The following CDC14B variants were observed in gnomAD, a reference collection of about 807,000 sequenced individuals.
CDC14B encodes the protein cell division cycle 14B, also known as dual specificity protein phosphatase CDC14B.
In CDC14B, 22 loss-of-function variants were observed where a neutral mutation model predicts 64.2. That is an observed-to-expected ratio of 0.34 (90% confidence interval 0.24 to 0.49). The LOEUF is 0.49. Among genes scored for constraint, CDC14B ranks in the 20% least tolerant of loss-of-function variants. The pLI, the probability that CDC14B is intolerant of heterozygous loss-of-function variation, is 0.99. For missense variants in CDC14B, 498 were observed against 629.9 expected (o/e 0.79, Z 2.24); for synonymous variants, 191 against 215.8 (o/e 0.89, Z 1.01).
chr9:96,551,111 C>CTTGTTTTTTTTTTTTTTTTTTTTTTTTT (rs1841746495), intron 5 of CDC14B, among the ~76,000 whole-genome samples: 1 of 93,296 alleles, frequency 1.1e-5, no homozygotes, highest in Non-Finnish European at 2.0e-5. Context: ...TTGGGGTTTG[C>CTTGTTTTTTTTTTTTTTTTTTTTTTTTT]TTTTTTTTTT....
intron 1 of CDC14B, among the ~76,000 whole-genome samples, chr9:96,617,677 T>G (rs1847715711): frequency 6.6e-6 from 1 of 152,150 alleles, no homozygotes; most frequent in South Asian, 2.1e-4. Flanking sequence ...TCTAGAAGGC[T>G]TCACAAGAAA....
intron 9 of CDC14B, among the ~76,000 whole-genome samples, chr9:96,526,995 T>C (rs1050260370): frequency 2.6e-5 from 4 of 152,240 alleles, no homozygotes; most frequent in African/African-American, 4.8e-5. Flanking sequence ...TGTTTAAAAA[T>C]TGGAGTAAAA....
chr9:96,511,827 T>G (rs112109818), intron 12 of CDC14B, among the ~76,000 whole-genome samples: 28 of 152,308 alleles, frequency 1.8e-4, no homozygotes, highest in African/African-American at 6.5e-4. Context: ...TTGCGGTGGC[T>G]TATGCCTGTA....
At chr9:96,545,579 A>C (rs887943445) in intron 5 of CDC14B, among the ~76,000 whole-genome samples, 1 of 152,178 alleles carries the variant, frequency 6.6e-6, no homozygotes, top group South Asian at 2.1e-4. Context: ...TGGCCTTCCA[A>C]AGTGCTGGGA....
intron 10 of CDC14B, 25 bp downstream of exon 10, chr9:96,523,562 A>C (rs908313711): frequency 3.7e-6 from 6 of 1,613,618 alleles, no homozygotes; most frequent in Admixed American, 1.7e-5. Context: ...TTCCCTGGGA[A>C]CTACAGACGT....
rs202193145 is a variant in CDC14B, at chr9:96,551,111, C to CTT, written c.497+683_497+684dup. Among the ~76,000 whole-genome samples, 110 of 93,292 alleles carry CTT rather than the reference C, an allele frequency of 1.2e-3. 9 individuals are homozygous for CTT. The highest frequency in any genetic ancestry group is 2.7e-3 in the African/African-American group (56 of 20,380). 61.2% of individuals were successfully genotyped at this position (93,292 alleles called of 152,430 possible). A position where few individuals can be genotyped will look rare whatever the true frequency, so the allele number is the denominator to read the frequency against. On this transcript the variant is annotated intron_variant, in intron 5 of 13. Coordinates refer to ENST00000375241, the MANE Select transcript of CDC14B (RefSeq NM_033331.4). ...TACAAAGCCTAGGTTTTGGGGTTTG[C>CTT]TTTTTTTTTTTTTTTTTTTGAGACA...
intron 1 of CDC14B, among the ~76,000 whole-genome samples, chr9:96,591,921 A>G: frequency 6.6e-6 from 1 of 151,648 alleles, no homozygotes; most frequent in Middle Eastern, 3.2e-3. Flanking sequence ...AATTTTTTGT[A>G]TTTTTAGTAG....
chr9:96,565,273 C>A, intron 2 of CDC14B, 120 bp downstream of exon 2: 14 of 545,758 alleles, frequency 2.6e-5, no homozygotes, highest in East Asian at 6.7e-5. Context: ...AGGTGAAAAA[C>A]AAGCATCCTG....
intron 11 of CDC14B, among the ~76,000 whole-genome samples, chr9:96,522,894 T>A (rs1836962581): frequency 6.6e-6 from 1 of 152,070 alleles, no homozygotes; most frequent in South Asian, 2.1e-4. Context: ...TACCACTTAA[T>A]GTAGTAGTAC....
At chr9:96,507,210 G>A (rs371633876) in intron 13 of CDC14B, among the ~76,000 whole-genome samples, 3 of 151,716 alleles carry the variant, frequency 2.0e-5, no homozygotes, top group Admixed American at 1.3e-4. Context: ...AGGATGAGGC[G>A]GGAGGATGAG....
In CDC14B at chr9:96,502,901, G is replaced by A. The variant is rs1833684307; in HGVS notation, c.*852C>T. 2.5e-6 allele frequency: 1 copy of A among 398,216 alleles called. No individual in the cohort carries two copies. The highest frequency in any genetic ancestry group is 2.1e-5 in the African/African-American group (1 of 48,542). 24.7% of individuals were successfully genotyped at this position (398,216 alleles called of 1,614,324 possible). The stretch of plus-strand genomic sequence containing the variant: ...CATTATTTGGGATTGCTGTTTCCAA[G>A]GGGAAAAACCAATAGTGTGTTTCTT... On this transcript the variant is annotated 3_prime_UTR_variant, in exon 14 of 14. Coordinates refer to ENST00000375241, the MANE Select transcript of CDC14B (RefSeq NM_033331.4).
chr9:96,604,707 C>A (rs1846762992), intron 1 of CDC14B, among the ~76,000 whole-genome samples: 1 of 144,296 alleles, frequency 6.9e-6, no homozygotes, highest in African/African-American at 2.6e-5. Context: ...CTTGCTCTGT[C>A]CCCCAGGCTG....
At chr9:96,618,493 A>G (rs1169048682) in intron 1 of CDC14B, 1 of 533,414 alleles carries the variant, frequency 1.9e-6, no homozygotes, top group South Asian at 1.4e-5. Flanking sequence ...CTGCTTGGCT[A>G]CCTGCTCTGG....
intron 1 of CDC14B, chr9:96,566,992 G>C (rs983724927): frequency 4.5e-5 from 64 of 1,435,080 alleles, no homozygotes; most frequent in Non-Finnish European, 5.4e-5. Flanking sequence ...CGCAACCCCG[G>C]AAGTCCCCAA....
chr9:96,518,944 G>A (rs1320254798), intron 12 of CDC14B, among the ~76,000 whole-genome samples: 1 of 152,022 alleles, frequency 6.6e-6, no homozygotes, highest in Non-Finnish European at 1.5e-5. Context: ...AGACCATCCT[G>A]GCTAACACAG....
intron 13 of CDC14B, among the ~76,000 whole-genome samples, chr9:96,508,850 C>A (rs1345619838): frequency 6.6e-6 from 1 of 152,166 alleles, no homozygotes; most frequent in East Asian, 1.9e-4. Flanking sequence ...GGCAGGGAAG[C>A]TGAAAAGAAG....
chr9:96,539,208 A>G (rs552322865), intron 6 of CDC14B, 68 bp from the exon 7 acceptor site: 1 of 1,111,176 alleles, frequency 9.0e-7, no homozygotes, highest in East Asian at 2.4e-5. Context: ...ATCCAATTTC[A>G]GAATACTAAA....
intron 1 of CDC14B, among the ~76,000 whole-genome samples, chr9:96,614,997 T>C (rs1005701865): frequency 2.0e-5 from 3 of 152,088 alleles, no homozygotes; most frequent in Admixed American, 2.0e-4. Context: ...CGTGCCACCA[T>C]GCCCAGTTAA....
intron 1 of CDC14B, among the ~76,000 whole-genome samples, chr9:96,604,146 C>T (rs1057264885): frequency 1.3e-5 from 2 of 152,086 alleles, no homozygotes; most frequent in African/African-American, 4.8e-5. Context: ...CTCTTCCAGT[C>T]ACTCCACATT....
Sources: allele counts gnomAD v4.1 joint callset (sites outside exome capture counted in the v4.1 genomes callset), GRCh38; gene constraint gnomAD v4.1.1; transcripts MANE v1.5; gene names NCBI Gene and HGNC (gene_info 2026-07-23, HGNC 2026-07-21).